Variants in RBFOX1 observed in about 807,000 individuals in gnomAD.
RBFOX1 encodes RNA binding protein fox-1 homolog 1.
Under a neutral mutation model 57.7 loss-of-function variants are expected in RBFOX1, and 8 were observed. The ratio of observed to expected loss-of-function variants is 0.14; its 90% confidence interval spans 0.08 to 0.25. RBFOX1 has a LOEUF of 0.25. RBFOX1 is among the 10% of genes least tolerant of loss of function. The pLI is 1.00. For missense variants in RBFOX1, 611 were observed against 548.5 expected (o/e 1.11, Z -1.14); for synonymous variants, 326 against 222.4 (o/e 1.47, Z -4.15).
chr16:5,798,651 T>C (rs2054959098), intron 3 of RBFOX1, among the ~76,000 whole-genome samples: 1 of 152,214 alleles, frequency 6.6e-6, no homozygotes, highest in South Asian at 2.1e-4. Context: ...CCATGAAATA[T>C]ATGTGTGTCA....
At chr16:7,040,145 C>A (rs868669583) in intron 3 of RBFOX1, among the ~76,000 whole-genome samples, 1 of 151,900 alleles carries the variant, frequency 6.6e-6, no homozygotes, top group African/African-American at 2.4e-5. Context: ...CTCAGCCTCC[C>A]GAGTAGCTGG....
intron 4 of RBFOX1, among the ~76,000 whole-genome samples, chr16:7,193,406 C>G (rs111769293): frequency 5.9e-5 from 9 of 152,320 alleles, no homozygotes; most frequent in African/African-American, 2.2e-4. Context: ...AGACCTGCAT[C>G]AGATTTCTGA....
At chr16:7,335,488 A>C (rs750056627) in intron 4 of RBFOX1, among the ~76,000 whole-genome samples, 1 of 151,862 alleles carries the variant, frequency 6.6e-6, no homozygotes, top group African/African-American at 2.4e-5. Flanking sequence ...TTCCAACCTC[A>C]AGAGATTTTG....
At chr16:6,603,515 G>A (rs983232074) in intron 2 of RBFOX1, among the ~76,000 whole-genome samples, 3 of 152,084 alleles carry the variant, frequency 2.0e-5, no homozygotes, top group African/African-American at 2.4e-5. Context: ...GGAATGATTC[G>A]GAGAGCTTTA....
In RBFOX1 at chr16:6,991,742, G is replaced by T. The variant is rs192169576; in HGVS notation, c.-15-60315G>T. Among the ~76,000 whole-genome samples the T allele has an allele frequency of 7.6e-4, 115 of 152,196 alleles. 1 individual carries two copies. The highest frequency in any genetic ancestry group is 2.7e-3 in the African/African-American group (111 of 41,534). On this transcript the variant is annotated intron_variant, in intron 3 of 15. Transcript: ENST00000550418. ...GGTAGAGGTGGGGTTTCACCATGTT[G>T]CCCAGGCTGGTCTTGAACTCCTGAG...
At chr16:6,680,788 T>C (rs1229970371) in intron 3 of RBFOX1, among the ~76,000 whole-genome samples, 2 of 152,232 alleles carry the variant, frequency 1.3e-5, no homozygotes, top group Non-Finnish European at 2.9e-5. Flanking sequence ...CACCTAACTT[T>C]GCAAACCATT....
intron 2 of RBFOX1, among the ~76,000 whole-genome samples, chr16:6,491,027 C>T (rs2095620485): frequency 1.3e-5 from 2 of 151,988 alleles, no homozygotes; most frequent in Admixed American, 1.3e-4. Context: ...GATGAACCCA[C>T]ATAACCAAGA....
At chr16:6,133,942 CT>C (rs1057053419) in intron 1 of RBFOX1, among the ~76,000 whole-genome samples, 78 of 145,352 alleles carry the variant, frequency 5.4e-4, no homozygotes, top group Middle Eastern at 7.0e-3. Context: ...TCTTTCTTTT[CT>C]TTTTTTTTTT....
chr16:6,035,467 A>G (rs1326586151), intron 1 of RBFOX1, among the ~76,000 whole-genome samples: 1 of 152,216 alleles, frequency 6.6e-6, no homozygotes, highest in African/African-American at 2.4e-5. Flanking sequence ...TTTGTCTTTT[A>G]AAATGTAGTT....
chr16:7,392,108 C>G (rs1169696272), intron 4 of RBFOX1, among the ~76,000 whole-genome samples: 4 of 152,348 alleles, frequency 2.6e-5, no homozygotes, highest in Middle Eastern at 6.8e-3. Context: ...TGCACACCCA[C>G]TTCTCCCTTG....
At chr16:6,944,010 A>G (rs2079025073) in intron 3 of RBFOX1, among the ~76,000 whole-genome samples, 1 of 151,994 alleles carries the variant, frequency 6.6e-6, no homozygotes, top group East Asian at 1.9e-4. Flanking sequence ...AACTCCTTTA[A>G]GTTTAATTTG....
intron 1 of RBFOX1, among the ~76,000 whole-genome samples, chr16:6,053,621 A>G (rs2095579570): frequency 6.6e-6 from 1 of 152,246 alleles, no homozygotes; most frequent in South Asian, 2.1e-4. Context: ...AATAGTCATA[A>G]TCACCACTAT....
At chr16:7,366,269 C>T (rs1237206072) in intron 4 of RBFOX1, among the ~76,000 whole-genome samples, 2 of 152,182 alleles carry the variant, frequency 1.3e-5, no homozygotes, top group Non-Finnish European at 1.5e-5. Flanking sequence ...ATGTTGTTTC[C>T]AGCAGAGCTG....
intron 4 of RBFOX1, among the ~76,000 whole-genome samples, chr16:7,300,279 A>C (rs1443417271): frequency 6.7e-6 from 1 of 150,056 alleles, no homozygotes; most frequent in Admixed American, 6.7e-5. Flanking sequence ...GTCCGGCCCC[A>C]CTGATGCCGA....
At chr16:6,761,518 T>TTTTTTG in intron 3 of RBFOX1, among the ~76,000 whole-genome samples, 1 of 127,874 alleles carries the variant, frequency 7.8e-6, no homozygotes, top group Non-Finnish European at 1.7e-5. Flanking sequence ...TTTTTTTTTT[T>TTTTTTG]TTTTTTTGAG....
intron 1 of RBFOX1, among the ~76,000 whole-genome samples, chr16:5,413,165 T>C (rs2151468327): frequency 6.6e-6 from 1 of 152,248 alleles, no homozygotes; most frequent in South Asian, 2.1e-4. Flanking sequence ...AGCTGCCAAA[T>C]TGCTTCATGC....
At position 5,574,623 on chromosome 16, in the gene RBFOX1, G is replaced by T. The variant is rs895475746; in HGVS notation, c.259-24279G>T. ...TGTTTGTATTTTTAGTAGAGATGGG[G>T]TTTCGCCAAGTTGGTCAGACTGGTC... On this transcript the variant is annotated intron_variant, in intron 2 of 2. Transcript: ENST00000585867. Among the ~76,000 whole-genome samples, 8 of 152,054 alleles carry T rather than the reference G, an allele frequency of 5.3e-5. No homozygotes were observed. The East Asian group carries it at 1.6e-3, about 29-fold the overall frequency.
At chr16:5,523,008 C>A (rs1024882160) in intron 2 of RBFOX1, among the ~76,000 whole-genome samples, 4 of 151,704 alleles carry the variant, frequency 2.6e-5, no homozygotes, top group African/African-American at 9.7e-5. Flanking sequence ...ATGGTGGGGG[C>A]TGGGCATTGT....
At chr16:5,790,859 A>ATTTTTTTTTTTTTTTTTTTTTT (rs1157751312) in intron 3 of RBFOX1, among the ~76,000 whole-genome samples, 2 of 112,960 alleles carry the variant, frequency 1.8e-5, no homozygotes, top group Non-Finnish European at 3.7e-5. Flanking sequence ...GTGGGTCTTT[A>ATTTTTTTTTTTTTTTTTTTTTT]TTTTTTTTTT....
Sources: allele counts gnomAD v4.1 joint callset (sites outside exome capture counted in the v4.1 genomes callset), GRCh38; gene constraint gnomAD v4.1.1; transcripts MANE v1.5; gene names NCBI Gene and HGNC (gene_info 2026-07-23, HGNC 2026-07-21).